Variants in PCDHA6 observed in about 807,000 individuals in gnomAD.
PCDHA6 encodes protocadherin alpha 6.
In PCDHA6, 55 loss-of-function variants were observed where a neutral mutation model predicts 60.3. The observed-to-expected ratio is 0.91, with a 90% confidence interval of 0.73 to 1.14. PCDHA6 has a LOEUF of 1.14. Among genes scored for constraint, PCDHA6 ranks in the 50% most tolerant of loss-of-function variants. PCDHA6 has a pLI of 0.00. For synonymous variants in PCDHA6, 652 were observed against 557.9 expected (o/e 1.17, Z -2.38); for missense variants, 1,327 against 1,256.5 (o/e 1.06, Z -0.85).
intron 1 of PCDHA6, chr5:140,857,713 G>A (rs903592431): frequency 5.6e-6 from 9 of 1,597,320 alleles, no homozygotes; most frequent in Non-Finnish European, 7.7e-6. Flanking sequence ...TGTTCGTGCT[G>A]GACGAGAACG....
At chr5:140,860,638 CGAA>C (rs2046489260) in intron 1 of PCDHA6, 1 of 152,104 alleles carries the variant, frequency 6.6e-6, no homozygotes, top group African/African-American at 2.4e-5. Context: ...GAATCAGGAA[CGAA>C]GAAGATAAGT....
intron 1 of PCDHA6, chr5:140,929,214 G>A: frequency 1.2e-6 from 2 of 1,614,076 alleles, no homozygotes; most frequent in Non-Finnish European, 1.7e-6. Context: ...TGCGTGGGGA[G>A]TACAATGCTG....
At chr5:140,890,112 T>C (rs2062493777) in intron 1 of PCDHA6, among the ~76,000 whole-genome samples, 1 of 152,184 alleles carries the variant, frequency 6.6e-6, no homozygotes, top group Non-Finnish European at 1.5e-5. Flanking sequence ...CTGGATTCAA[T>C]GATGTCACTT....
intron 1 of PCDHA6, chr5:140,852,359 C>T (rs2042307858): frequency 1.5e-5 from 3 of 204,042 alleles, no homozygotes; most frequent in Non-Finnish European, 1.9e-5. Flanking sequence ...CTCACTGCAA[C>T]GTCTGCCTCC....
rs2150162015 is a variant in PCDHA6 at position 140,829,028 on chromosome 5, G to T, written c.937G>T (p.Glu313Ter). 6.2e-7 allele frequency: 1 copy of T among 1,613,544 alleles called. No homozygotes were observed. The highest frequency in any genetic ancestry group is 1.1e-5 in the South Asian group (1 of 91,064). ...TCGGGGTAATTTGGATTTTGAACAA[G>T]AAAACTTATACAAAATCCTCATTGA... Reference protein sequence around the residue: ...VIRGNLDFEQENLYKILIDAT... With the variant: ...VIRGNLDFEQ Residue 313 changes from glutamate (E) to a stop codon, truncating the protein, a stop_gained, in exon 1 of 4, where the codon GAA (glutamate) becomes TAA (stop). Transcript: ENST00000529310. LOFTEE classifies it high-confidence loss of function.
intron 3 of PCDHA6, among the ~76,000 whole-genome samples, chr5:140,984,768 G>A (rs569046665): frequency 7.2e-5 from 11 of 152,172 alleles, no homozygotes; most frequent in African/African-American, 2.4e-4. Flanking sequence ...CTAATCCCAA[G>A]CTTACTTGCT....
chr5:140,916,242 T>A (rs1554197354), intron 1 of PCDHA6, among the ~76,000 whole-genome samples: 1 of 152,208 alleles, frequency 6.6e-6, no homozygotes, highest in Non-Finnish European at 1.5e-5. Flanking sequence ...AGCCAAAGCC[T>A]GGACTTGGGG....
intron 3 of PCDHA6, among the ~76,000 whole-genome samples, chr5:140,993,092 G>A (rs1441562927): frequency 6.6e-6 from 1 of 152,222 alleles, no homozygotes; most frequent in East Asian, 1.9e-4. Flanking sequence ...GCAGGGCTAT[G>A]TTTATTCAGC....
At chr5:140,853,588 A>G in intron 1 of PCDHA6, 1 of 986,058 alleles carries the variant, frequency 1.0e-6, no homozygotes, top group Non-Finnish European at 1.2e-6. Context: ...TATCTTAGAC[A>G]CTTTGAGAGC....
At chr5:141,008,238 G>A (rs2098366224) in intron 3 of PCDHA6, among the ~76,000 whole-genome samples, 1 of 152,046 alleles carries the variant, frequency 6.6e-6, no homozygotes, top group Admixed American at 6.6e-5. Context: ...TACTGCTCAG[G>A]GACACCAAAT....
intron 1 of PCDHA6, chr5:140,866,569 A>G (rs1366987361): frequency 6.6e-6 from 1 of 152,162 alleles, no homozygotes; most frequent in Non-Finnish European, 1.5e-5. Flanking sequence ...TTTTGTTAAT[A>G]CAGTGGTTGG....
intron 1 of PCDHA6, chr5:140,857,655 C>A: frequency 1.3e-6 from 2 of 1,596,728 alleles, no homozygotes; most frequent in East Asian, 2.2e-5. Context: ...CAGGTGAGCG[C>A]GCGCGATGGG....
chr5:140,884,573 C>T, intron 1 of PCDHA6: 1 of 1,614,170 alleles, frequency 6.2e-7, no homozygotes, highest in Non-Finnish European at 8.5e-7. Flanking sequence ...TAAGACGGAC[C>T]TCATGGCCTT....
At chr5:140,902,974 A>T (rs1291767760) in intron 1 of PCDHA6, among the ~76,000 whole-genome samples, 1 of 152,178 alleles carries the variant, frequency 6.6e-6, no homozygotes, top group African/African-American at 2.4e-5. Context: ...ATGGGCATTT[A>T]GGTTGGTTCC....
intron 1 of PCDHA6, among the ~76,000 whole-genome samples, chr5:140,878,853 A>G (rs565644052): frequency 1.3e-5 from 2 of 152,352 alleles, no homozygotes; most frequent in East Asian, 3.9e-4. Context: ...TCTGGGTTCA[A>G]CTGATCCTCC....
At chr5:140,936,925 T>C (rs1554211273) in intron 1 of PCDHA6, among the ~76,000 whole-genome samples, 2 of 152,208 alleles carry the variant, frequency 1.3e-5, no homozygotes, top group African/African-American at 2.4e-5. Context: ...AAATATGGGG[T>C]ATATTGAAAA....
chr5:140,962,028 C>T (rs1046578713), intron 1 of PCDHA6, among the ~76,000 whole-genome samples: 81 of 152,150 alleles, frequency 5.3e-4, no homozygotes, highest in African/African-American at 1.8e-3. Context: ...GGACTACAGG[C>T]ACCCACCACC....
chr5:141,002,120 T>C (rs1416494483), intron 3 of PCDHA6, among the ~76,000 whole-genome samples: 1 of 152,250 alleles, frequency 6.6e-6, no homozygotes, highest in African/African-American at 2.4e-5. Context: ...CTATAATCAT[T>C]TAATAGCCTT....
Position 140,850,666 on chromosome 5 carries a change from C to A in PCDHA6, c.2394+20181C>A, listed in dbSNP as rs2150492830. 6.9e-6 allele frequency: 11 copies of A among 1,598,434 alleles called. 3 individuals carry two copies. Among genetic ancestry groups the A allele is most frequent in the Middle Eastern group, 1.7e-4 (1 of 5,998 alleles). ...CTGCTGTACACTGTGCTGCGGTGCT[C>A]GGCGATGCCCACCGAGGGCGAGTGC... On this transcript the variant is annotated intron_variant, in intron 1 of 3. Transcript: ENST00000529310.
Sources: allele counts gnomAD v4.1 joint callset (sites outside exome capture counted in the v4.1 genomes callset), GRCh38; gene constraint gnomAD v4.1.1; transcripts MANE v1.5; gene names NCBI Gene and HGNC (gene_info 2026-07-23, HGNC 2026-07-21).